The following HMCN1 variants were observed in gnomAD, a reference collection of about 807,000 sequenced individuals.
The protein encoded by HMCN1 is hemicentin-1.
Under a neutral mutation model 625.9 loss-of-function variants are expected in HMCN1, and 321 were observed. That is an observed-to-expected ratio of 0.51 (90% CI 0.47 to 0.56). HMCN1 has a LOEUF of 0.56. Among genes scored for constraint, HMCN1 ranks in the 20% least tolerant of loss-of-function variants. The pLI is 0.00. For missense variants in HMCN1, 6,588 were observed against 6,887.3 expected (o/e 0.96, Z 1.54); for synonymous variants, 2,425 against 2,417.6 (o/e 1.00, Z -0.09).
At chr1:185,775,613 G>A (rs1290500136) in intron 1 of HMCN1, among the ~76,000 whole-genome samples, 3 of 152,182 alleles carry the variant, frequency 2.0e-5, no homozygotes, top group Non-Finnish European at 4.4e-5. Context: ...AAGCCAGGTA[G>A]GGCAGTTGTT....
intron 1 of HMCN1, among the ~76,000 whole-genome samples, chr1:185,809,830 T>C (rs1276493073): frequency 2.6e-5 from 4 of 152,146 alleles, no homozygotes; most frequent in Admixed American, 2.6e-4. Flanking sequence ...AGATACTTTT[T>C]GAAACAATTC....
chr1:185,954,159 T>C (rs746734644), intron 11 of HMCN1, among the ~76,000 whole-genome samples: 126 of 152,078 alleles, frequency 8.3e-4, no homozygotes, highest in Admixed American at 2.7e-3. Flanking sequence ...CATCTGGGAG[T>C]ATATAAGTGC....
Position 185,994,819 on chromosome 1 carries a change from T to G in HMCN1, c.3510T>G (p.Pro1170=). The G allele has an allele frequency of 6.2e-7, 1 of 1,613,292 alleles. No homozygotes were observed. Among genetic ancestry groups the G allele is most frequent in the Non-Finnish European group, 8.5e-7 (1 of 1,179,382 alleles). The part of the protein sequence containing the change: ...TQAVKLNVHV[P]PKIQRGPKHL... ...ATACCCAGTTATTATTTCTAGTTCC[T>G]CCAAAGATACAGCGTGGACCTAAAC... Residue 1170 remains proline (P), a synonymous_variant, in exon 24 of 107, where the codon CCT becomes CCG. Coordinates refer to ENST00000271588, the MANE Select transcript of HMCN1 (RefSeq NM_031935.3).
Position 185,962,654 on chromosome 1 carries a change from A to G in HMCN1, c.1965A>G (p.Ser655=). The change falls in exon 12 of 107, where the codon TCA becomes TCG. Residue 655 remains serine (S), a synonymous_variant. Coordinates refer to ENST00000271588, the MANE Select transcript of HMCN1 (RefSeq NM_031935.3). ...WTVNDMFIVG[S]HRYRMTSDGT... ...TTAACGATATGTTTATCGTGGGTTC[A>G]CACAGGTACTGGGTTTGTATCATGT... 1 of 1,559,768 alleles carries G rather than the reference A, an allele frequency of 6.4e-7. No homozygotes were observed. The highest frequency in any genetic ancestry group is 8.8e-7 in the Non-Finnish European group (1 of 1,130,368).
chr1:185,815,966 A>G (rs1659822846), intron 1 of HMCN1, among the ~76,000 whole-genome samples: 1 of 150,160 alleles, frequency 6.7e-6, no homozygotes, highest in Non-Finnish European at 1.5e-5. Context: ...ACTTAGCAAT[A>G]TCATACCCAT....
intron 11 of HMCN1, among the ~76,000 whole-genome samples, chr1:185,955,737 T>C (rs1451804327): frequency 6.6e-6 from 1 of 152,202 alleles, no homozygotes; most frequent in Non-Finnish European, 1.5e-5. Context: ...AGCTGAACTT[T>C]TGATGGCCAC....
chr1:186,185,086 T>C (rs1653196279), intron 105 of HMCN1, among the ~76,000 whole-genome samples: 1 of 152,184 alleles, frequency 6.6e-6, no homozygotes, highest in Non-Finnish European at 1.5e-5. Context: ...ATAGAAAGTG[T>C]ATATTTCTAT....
At chr1:185,943,904 CAG>C (rs1668204892) in intron 11 of HMCN1, among the ~76,000 whole-genome samples, 1 of 152,152 alleles carries the variant, frequency 6.6e-6, no homozygotes, top group Non-Finnish European at 1.5e-5. Context: ...ACTCATCACT[CAG>C]GAGATTCCAA....
chr1:185,893,040 A>G (rs865775548), intron 4 of HMCN1, among the ~76,000 whole-genome samples: 14 of 152,284 alleles, frequency 9.2e-5, no homozygotes, highest in African/African-American at 2.9e-4. Context: ...AGGTCGGAAA[A>G]GCGCAGTATT....
chr1:185,892,302 C>T (rs556193554), intron 4 of HMCN1, among the ~76,000 whole-genome samples: 7 of 151,968 alleles, frequency 4.6e-5, no homozygotes, highest in South Asian at 2.1e-4. Context: ...AAGCCTTCTT[C>T]TCTCAGCTCA....
chr1:185,827,184 A>T (rs905993553), intron 1 of HMCN1, among the ~76,000 whole-genome samples: 2 of 151,138 alleles, frequency 1.3e-5, no homozygotes, highest in African/African-American at 4.8e-5. Flanking sequence ...AAAAAAAAAA[A>T]AAAAGAAAAA....
rs1003121035 is a variant in HMCN1, at chr1:186,039,958, A to G, written c.6180+79A>G. 7.5e-6 allele frequency: 10 copies of G among 1,336,294 alleles called. No individual in the cohort carries two copies. The African/African-American group carries it at 1.0e-4, about 14-fold the overall frequency. 82.8% of individuals were successfully genotyped at this position (1,336,294 alleles called of 1,614,324 possible). A position where few individuals can be genotyped will look rare whatever the true frequency, so the allele number is the denominator to read the frequency against. ...AAGTACACACAGGTAAAACTGTTGA[A>G]GAGATTTAGAGAACAAGGATTAACA... On this transcript the variant is annotated intron_variant, in intron 39 of 106. Coordinates refer to ENST00000271588, the MANE Select transcript of HMCN1 (RefSeq NM_031935.3).
chr1:186,069,189 T>C (rs1353017512), intron 50 of HMCN1, among the ~76,000 whole-genome samples: 2 of 152,160 alleles, frequency 1.3e-5, no homozygotes, highest in African/African-American at 2.4e-5. Context: ...TGGAGTCATG[T>C]TTTGAATGCC....
At chr1:186,075,473 T>C (rs1658756066) in intron 53 of HMCN1, among the ~76,000 whole-genome samples, 1 of 152,146 alleles carries the variant, frequency 6.6e-6, no homozygotes, top group Non-Finnish European at 1.5e-5. Flanking sequence ...TTTAAAAGCT[T>C]TGTGACTTAG....
intron 1 of HMCN1, among the ~76,000 whole-genome samples, chr1:185,740,140 A>G (rs957709465): frequency 6.6e-5 from 10 of 152,206 alleles, no homozygotes; most frequent in Admixed American, 5.2e-4. Context: ...GTAGTCCATT[A>G]TGACTTTGGC....
chr1:185,745,531 A>AC (rs146815649), intron 1 of HMCN1, among the ~76,000 whole-genome samples: 7,243 of 152,236 alleles, frequency 0.048, 491 homozygotes, highest in African/African-American at 0.16. Context: ...ACTGGCACAT[A>AC]ATCAGGTTCA....
At chr1:186,162,344 C>A (rs1361749713) in intron 97 of HMCN1, among the ~76,000 whole-genome samples, 1 of 152,074 alleles carries the variant, frequency 6.6e-6, no homozygotes, top group South Asian at 2.1e-4. Context: ...AAGTTTTTAA[C>A]TTCTTTGCCT....
chr1:185,949,916 T>G lies in HMCN1; in HGVS notation c.1829-12602T>G, dbSNP rs1668554906. Among the ~76,000 whole-genome samples the G allele has an allele frequency of 2.0e-5, 3 of 151,806 alleles. No individual in the cohort carries two copies. In the South Asian group the frequency reaches 6.2e-4, roughly 31 times the overall value. ...AGCAGATGGAACACTGAGAAGTTAT[T>G]TCCTTGAGGATAGATTTCCACGATG... On this transcript the variant is annotated intron_variant, in intron 11 of 106. Coordinates refer to ENST00000271588, the MANE Select transcript of HMCN1 (RefSeq NM_031935.3).
chr1:186,074,255 G>C (rs1658659072), intron 52 of HMCN1, among the ~76,000 whole-genome samples: 1 of 151,486 alleles, frequency 6.6e-6, no homozygotes, highest in African/African-American at 2.4e-5. Flanking sequence ...ATATCTTTAG[G>C]TTAAAATTTT....
Sources: allele counts gnomAD v4.1 joint callset (sites outside exome capture counted in the v4.1 genomes callset), GRCh38; gene constraint gnomAD v4.1.1; transcripts MANE v1.5; gene names NCBI Gene and HGNC (gene_info 2026-07-23, HGNC 2026-07-21).